Variants in SCAF8 observed in about 807,000 individuals in gnomAD.
The protein encoded by SCAF8 is SR-related CTD associated factor 8.
In SCAF8, 23 loss-of-function variants were observed where a neutral mutation model predicts 140.5. The ratio of observed to expected loss-of-function variants is 0.16; its 90% CI spans 0.12 to 0.23. SCAF8 has a LOEUF of 0.23. SCAF8 is among the 10% of genes least tolerant of loss of function. The probability of loss-of-function intolerance (pLI) is 1.00; values close to 1 mark genes in which losing one functional copy is unlikely to be tolerated. For missense variants in SCAF8, 1,397 were observed against 1,555.7 expected, an observed-to-expected ratio of 0.90 and a Z score of 1.72; for synonymous variants, 575 against 528.9, an observed-to-expected ratio of 1.09 and a Z score of -1.20.
chr6:154,769,106 C>T (rs543256750), intron 1 of SCAF8, among the ~76,000 whole-genome samples: 18 of 150,660 alleles, frequency 1.2e-4, no homozygotes, highest in African/African-American at 3.7e-4. Flanking sequence ...AGTAGACCTG[C>T]GCAGTTCAAA....
intron 1 of SCAF8, among the ~76,000 whole-genome samples, chr6:154,763,460 C>T (rs1776463284): frequency 6.6e-6 from 1 of 152,120 alleles, no homozygotes; most frequent in Admixed American, 6.6e-5. Context: ...GATCATAGAA[C>T]CAGCAACCTT....
At position 154,834,050 on chromosome 6, in the gene SCAF8, T is replaced by C. The variant is rs1459052341; in HGVS notation, c.*655T>C. On this transcript the variant is annotated 3_prime_UTR_variant, in exon 20 of 20. Transcript: ENST00000367178. ...GTTTTTAGATGCCAATAAAACTTATTTGTTTGATAACAGTGTTCTAGGAAT... is the reference window on the plus strand; with the variant it reads ...GTTTTTAGATGCCAATAAAACTTATCTGTTTGATAACAGTGTTCTAGGAAT... 6.6e-6 allele frequency: 1 copy of C among 152,218 alleles called. No individual in the cohort carries two copies. Among genetic ancestry groups the C allele is most frequent in the Non-Finnish European group, 1.5e-5 (1 of 68,014 alleles). The allele number at this position is 152,218 out of a possible 1,614,324, so 9.4% of individuals were successfully genotyped here. A position where few individuals can be genotyped will look rare whatever the true frequency, so the allele number is the denominator to read the frequency against.
At chr6:154,741,626 C>T (rs532365979) in intron 1 of SCAF8, among the ~76,000 whole-genome samples, 3 of 152,076 alleles carry the variant, frequency 2.0e-5, no homozygotes, top group Non-Finnish European at 2.9e-5. Context: ...AGGCTGATCT[C>T]GAACTCCTGA....
rs1778794746 is a variant in SCAF8 at position 154,832,904 on chromosome 6, G to C, written c.3325G>C (p.Val1109Leu). Reference protein sequence around the residue: ...FDEREHRVLPVYGGPKGLHEE... With the variant: ...FDEREHRVLPLYGGPKGLHEE... ...TGAGAGAGAGCATCGGGTTCTACCG[G>C]TCTATGGTGGTCCAAAAGGCTTACA... The change falls in exon 20 of 20, where the codon GTC (valine) becomes CTC (leucine). Residue 1109 changes from valine (V) to leucine (L), a missense_variant. Coordinates refer to ENST00000367178, the MANE Select transcript of SCAF8 (RefSeq NM_014892.5). The C allele has an allele frequency of 6.2e-7, 1 of 1,613,932 alleles. No homozygotes were observed. Among genetic ancestry groups the C allele is most frequent in the African/African-American group, 1.3e-5 (1 of 74,884 alleles).
chr6:154,790,291 G>T (rs11968658), intron 4 of SCAF8, among the ~76,000 whole-genome samples: 2,412 of 152,182 alleles, frequency 0.016, 58 homozygotes, highest in African/African-American at 0.055. Flanking sequence ...TTAGAGTGGA[G>T]AAATAGTCAA....
intron 1 of SCAF8, among the ~76,000 whole-genome samples, chr6:154,751,314 C>A (rs1309941946): frequency 1.3e-5 from 2 of 151,880 alleles, no homozygotes; most frequent in East Asian, 3.9e-4. Flanking sequence ...CTGCAACCTC[C>A]GCCTCCCAAG....
intron 2 of SCAF8, among the ~76,000 whole-genome samples, chr6:154,776,228 T>C (rs892865769): frequency 1.3e-5 from 2 of 152,052 alleles, no homozygotes; most frequent in Non-Finnish European, 2.9e-5. Flanking sequence ...ACATTGACAT[T>C]TTTGAAGCGT....
At chr6:154,792,155 A>G (rs1276425065) in intron 4 of SCAF8, among the ~76,000 whole-genome samples, 1 of 152,262 alleles carries the variant, frequency 6.6e-6, no homozygotes, top group East Asian at 1.9e-4. Context: ...GCAAGGGGAA[A>G]GGGAATAGTA....
intron 1 of SCAF8, among the ~76,000 whole-genome samples, chr6:154,744,358 A>G (rs543829739): frequency 2.6e-5 from 4 of 152,294 alleles, no homozygotes; most frequent in Admixed American, 1.3e-4. Flanking sequence ...ACACAAGTCT[A>G]TGTACCTACT....
Position 154,734,005 on chromosome 6 carries a change from G to C in SCAF8, c.30+75G>C, listed in dbSNP as rs528732614. 1.7e-5 allele frequency: 24 copies of C among 1,440,486 alleles called. No individual in the cohort carries two copies. In the African/African-American group the frequency reaches 3.1e-4, roughly 19 times the overall value. The allele number at this position is 1,440,486 out of a possible 1,614,324, so 89.2% of individuals were successfully genotyped here. On this transcript the variant is annotated intron_variant, in intron 1 of 19. Transcript: ENST00000367178. ...CCTGGTCGAGGCCGGGGCCCGGAGGGTGGGCGCGGGCCTGCGGGTTTTTTA... is the reference window on the plus strand; with the variant it reads ...CCTGGTCGAGGCCGGGGCCCGGAGGCTGGGCGCGGGCCTGCGGGTTTTTTA...
intron 6 of SCAF8, among the ~76,000 whole-genome samples, chr6:154,795,843 A>G (rs1777585420): frequency 6.6e-6 from 1 of 152,210 alleles, no homozygotes; most frequent in African/African-American, 2.4e-5. Context: ...GTATCTATAC[A>G]TATACTTTTA....
At chr6:154,740,277 G>C (rs189190298) in intron 1 of SCAF8, among the ~76,000 whole-genome samples, 1 of 152,210 alleles carries the variant, frequency 6.6e-6, no homozygotes, top group South Asian at 2.1e-4. Flanking sequence ...TGCATTCCAG[G>C]ATGTTTACAG....
At chr6:154,775,663 G>A (rs1239752071) in intron 2 of SCAF8, among the ~76,000 whole-genome samples, 3 of 152,190 alleles carry the variant, frequency 2.0e-5, no homozygotes, top group South Asian at 4.1e-4. Context: ...CTAGCTGCTG[G>A]GTAGGCTGAG....
intron 3 of SCAF8, among the ~76,000 whole-genome samples, chr6:154,783,875 G>A (rs1030567601): frequency 1.3e-5 from 2 of 151,896 alleles, no homozygotes; most frequent in Admixed American, 6.6e-5. Context: ...TTTGAGACCA[G>A]CCTGGCCAAA....
chr6:154,778,500 C>T (rs181010112), intron 3 of SCAF8, among the ~76,000 whole-genome samples: 1 of 152,258 alleles, frequency 6.6e-6, no homozygotes, highest in East Asian at 1.9e-4. Flanking sequence ...CACAATGGCC[C>T]ACACCTGTAA....
At chr6:154,748,346 G>A (rs567063137) in intron 1 of SCAF8, among the ~76,000 whole-genome samples, 115 of 152,268 alleles carry the variant, frequency 7.6e-4, no homozygotes, top group African/African-American at 2.6e-3. Context: ...GTTGGGAGCC[G>A]CTGTGGATAT....
chr6:154,749,485 C>T (rs1383051167), intron 1 of SCAF8, among the ~76,000 whole-genome samples: 1 of 152,134 alleles, frequency 6.6e-6, no homozygotes, highest in Non-Finnish European at 1.5e-5. Flanking sequence ...TTTTCCTCAG[C>T]AAGCTCTTTC....
At chr6:154,793,815 CAAAAAAAAAAA>C (rs59257286) in intron 5 of SCAF8, among the ~76,000 whole-genome samples, 4 of 69,312 alleles carry the variant, frequency 5.8e-5, no homozygotes, top group Non-Finnish European at 8.0e-5. Flanking sequence ...AACTCTGTCT[CAAAAAAAAAAA>C]AAAAAAAAAA....
At chr6:154,807,659 G>T (rs1449874259) in intron 9 of SCAF8, among the ~76,000 whole-genome samples, 1 of 152,220 alleles carries the variant, frequency 6.6e-6, no homozygotes. Context: ...GATTACTGGC[G>T]TGAGCCACTG....
Sources: gnomAD v4.1 joint callset for allele counts (sites outside exome capture counted in the v4.1 genomes callset) on GRCh38, gnomAD v4.1.1 for gene constraint, MANE v1.5 for transcripts, NCBI Gene and HGNC (gene_info 2026-07-23, HGNC 2026-07-21) for gene names.